The following MRPS21 variants were observed in gnomAD, a reference collection of about 807,000 sequenced individuals.
MRPS21 encodes mitochondrial ribosomal protein S21.
In MRPS21, 8 loss-of-function variants were observed where a neutral mutation model predicts 9.9. The ratio of observed to expected loss-of-function variants is 0.81; its 90% confidence interval spans 0.47 to 1.45. MRPS21 has a LOEUF of 1.45. Ranked by LOEUF, MRPS21 falls within the 40% of genes most tolerant of loss-of-function variation. MRPS21 has a pLI of 0.00. For synonymous variants in MRPS21, 40 were observed against 40.3 expected, an observed-to-expected ratio of 0.99 and a Z score of 0.03; for missense variants, 101 against 118.9, an observed-to-expected ratio of 0.85 and a Z score of 0.70.
At chr1:150,298,210 G>C (rs1219809879) in intron 2 of MRPS21, among the ~76,000 whole-genome samples, 1 of 152,206 alleles carries the variant, frequency 6.6e-6, no homozygotes, top group Non-Finnish European at 1.5e-5. Flanking sequence ...TGGGATTACA[G>C]GCTTGAGCCA....
chr1:150,304,962 C>A, intron 2 of MRPS21: 1 of 346,316 alleles, frequency 2.9e-6, no homozygotes. Context: ...TCGCTTGAAC[C>A]CAGAAGGCGG....
intron 2 of MRPS21, among the ~76,000 whole-genome samples, chr1:150,297,136 A>G (rs181987720): frequency 3.9e-5 from 6 of 152,198 alleles, no homozygotes; most frequent in African/African-American, 1.2e-4. Flanking sequence ...CTAAAAATAC[A>G]AAAGATTAGC....
intron 2 of MRPS21, among the ~76,000 whole-genome samples, chr1:150,295,539 C>T (rs985748333): frequency 1.1e-4 from 16 of 152,036 alleles, no homozygotes; most frequent in Middle Eastern, 6.3e-3. Context: ...TGCTAGGAAG[C>T]GGGAACGTAG....
chr1:150,301,452 C>G (rs969343225), intron 2 of MRPS21: 1 of 176,616 alleles, frequency 5.7e-6, no homozygotes, highest in Non-Finnish European at 1.2e-5. Context: ...GAGCCGAGAT[C>G]GCGCCATTCA....
intron 2 of MRPS21, among the ~76,000 whole-genome samples, chr1:150,298,447 G>A (rs1245390273): frequency 6.6e-6 from 1 of 152,202 alleles, no homozygotes; most frequent in Non-Finnish European, 1.5e-5. Flanking sequence ...AAGATCAAAG[G>A]ATAGCTGTTG....
At chr1:150,307,348 CTTTTTTTT>C (rs1572154026) in intron 2 of MRPS21, among the ~76,000 whole-genome samples, 2 of 87,552 alleles carry the variant, frequency 2.3e-5, no homozygotes, top group African/African-American at 8.9e-5. Flanking sequence ...GTGCCCAGTC[CTTTTTTTT>C]TTTTTTTTTT....
intron 2 of MRPS21, among the ~76,000 whole-genome samples, chr1:150,295,762 C>A (rs1447838809): frequency 1.4e-5 from 2 of 138,950 alleles, no homozygotes; most frequent in African/African-American, 5.5e-5. Flanking sequence ...CATAGCAAGA[C>A]CCCATTTCTA....
At chr1:150,303,192 A>G (rs782254294) in intron 2 of MRPS21, among the ~76,000 whole-genome samples, 4 of 152,080 alleles carry the variant, frequency 2.6e-5, no homozygotes, top group Non-Finnish European at 5.9e-5. Flanking sequence ...TGTCTTTGTC[A>G]TTCCAATAGG....
chr1:150,296,544 A>T (rs960851137), intron 2 of MRPS21, among the ~76,000 whole-genome samples: 4 of 151,944 alleles, frequency 2.6e-5, no homozygotes, highest in African/African-American at 4.8e-5. Context: ...TAACCACTCC[A>T]CTCTAACCTA....
chr1:150,297,284 C>CT (rs1250793442), intron 2 of MRPS21, among the ~76,000 whole-genome samples: 2 of 41,776 alleles, frequency 4.8e-5, no homozygotes, highest in African/African-American at 1.2e-4. Flanking sequence ...GAGCGAGACT[C>CT]TGTCTACAAA....
At chr1:150,302,401 A>G (rs1267033209) in intron 2 of MRPS21, among the ~76,000 whole-genome samples, 1 of 152,126 alleles carries the variant, frequency 6.6e-6, no homozygotes, top group Non-Finnish European at 1.5e-5. Context: ...CCCCAAGCAA[A>G]GAAAGGTGAG....
chr1:150,305,364 C>G (rs1489376991), intron 2 of MRPS21, among the ~76,000 whole-genome samples: 1 of 151,966 alleles, frequency 6.6e-6, no homozygotes, highest in Non-Finnish European at 1.5e-5. Context: ...AACAAGCTTT[C>G]CAGATGACTA....
At chr1:150,305,035 G>A (rs995081135) in intron 2 of MRPS21, 17 of 394,396 alleles carry the variant, frequency 4.3e-5, no homozygotes, top group South Asian at 7.3e-5. Context: ...GCGCAACTCC[G>A]TCTCAAAAGA....
At chr1:150,294,580 C>T (rs782285013) in intron 2 of MRPS21, 131 bp downstream of exon 2, 40 of 754,830 alleles carry the variant, frequency 5.3e-5, no homozygotes, top group Admixed American at 9.8e-5. Context: ...TAAAACGTCT[C>T]AGCCCCTCAG....
At chr1:150,299,278 A>G (rs1237037749) in intron 2 of MRPS21, among the ~76,000 whole-genome samples, 16 of 151,922 alleles carry the variant, frequency 1.1e-4, no homozygotes, top group Admixed American at 3.9e-4. Flanking sequence ...CCAGGTTTGC[A>G]GAAAATATAA....
At chr1:150,302,788 G>A (rs1284554686) in intron 2 of MRPS21, among the ~76,000 whole-genome samples, 1 of 152,088 alleles carries the variant, frequency 6.6e-6, no homozygotes, top group Non-Finnish European at 1.5e-5. Context: ...TTCTGTTAGA[G>A]GTAAAGTTGA....
chr1:150,307,663 G>C (rs1654391992), intron 2 of MRPS21, among the ~76,000 whole-genome samples: 1 of 151,888 alleles, frequency 6.6e-6, no homozygotes, highest in Admixed American at 6.6e-5. Flanking sequence ...TGCAGCCTCA[G>C]TCTCCCCTGG....
intron 2 of MRPS21, among the ~76,000 whole-genome samples, chr1:150,307,525 T>C (rs1386754362): frequency 6.6e-6 from 1 of 151,910 alleles, no homozygotes; most frequent in East Asian, 1.9e-4. Flanking sequence ...GCCTGGTTAA[T>C]GTTTGTATTA....
At position 150,308,174 on chromosome 1, in the gene MRPS21, C is replaced by G; in HGVS notation, c.210C>G (p.Arg70=). 6.2e-7 allele frequency: 1 copy of G among 1,607,762 alleles called. No homozygotes were observed. ...GGATCTACAACATGGAAATGGCTCG[C>G]AAGATCAACTTCTTGATGCGAAAGA... The part of the protein sequence containing the change: ...CRRIYNMEMA[R]KINFLMRKNR... Residue 70 remains arginine (R), a synonymous_variant, in exon 3 of 3, where the codon CGC becomes CGG. Coordinates refer to ENST00000614145, the MANE Select transcript of MRPS21 (RefSeq NM_031901.6).
Sources: allele counts gnomAD v4.1 joint callset (sites outside exome capture counted in the v4.1 genomes callset), GRCh38; gene constraint gnomAD v4.1.1; transcripts MANE v1.5; gene names NCBI Gene and HGNC (gene_info 2026-07-23, HGNC 2026-07-21).